The following STON2 variants were observed in gnomAD, a reference collection of about 807,000 sequenced individuals.
STON2 encodes the protein stonin-2.
A neutral mutation model predicts 65.7 loss-of-function variants in STON2; 29 were observed. That is an observed-to-expected ratio of 0.44 (90% CI 0.33 to 0.60). The LOEUF (loss-of-function observed/expected upper bound fraction) is 0.60, where lower values mean the gene tolerates loss of function less well. Among genes scored for constraint, STON2 ranks in the 20% least tolerant of loss-of-function variants. The pLI is 0.03. For missense variants in STON2, 1,054 were observed against 1,118.1 expected (o/e 0.94, Z 0.82); for synonymous variants, 404 against 414.2 (o/e 0.98, Z 0.30).
intron 3 of STON2, among the ~76,000 whole-genome samples, chr14:81,392,239 A>G (rs1900112375): frequency 6.6e-6 from 1 of 152,138 alleles, no homozygotes; most frequent in Admixed American, 6.5e-5. Flanking sequence ...AAAAACTCCA[A>G]CTGGCCTGTG....
intron 4 of STON2, among the ~76,000 whole-genome samples, chr14:81,325,048 G>T (rs1330881248): frequency 6.6e-6 from 1 of 152,164 alleles, no homozygotes; most frequent in East Asian, 1.9e-4. Context: ...TAGTGAATGG[G>T]AGACCCCGGA....
intron 5 of STON2, among the ~76,000 whole-genome samples, chr14:81,320,457 A>G (rs572915990): frequency 1.3e-4 from 2 of 15,154 alleles, no homozygotes; most frequent in Non-Finnish European, 3.4e-4. Flanking sequence ...TCCATTACAT[A>G]GCATAACATG....
intron 1 of STON2, among the ~76,000 whole-genome samples, chr14:81,435,818 C>T (rs1902396750): frequency 6.6e-6 from 1 of 152,218 alleles, no homozygotes; most frequent in Admixed American, 6.5e-5. Flanking sequence ...CACGTCCAGG[C>T]CGCCTCTGGG....
At chr14:81,400,794 A>G (rs567385974), upstream of STON2, among the ~76,000 whole-genome samples, 1 of 152,316 alleles carries the variant, frequency 6.6e-6, no homozygotes, top group Non-Finnish European at 1.5e-5. Context: ...AGTCCTATAC[A>G]GTCTTGGAGT....
intron 3 of STON2, among the ~76,000 whole-genome samples, chr14:81,371,892 T>A (rs555968902): frequency 3.9e-5 from 6 of 152,096 alleles, no homozygotes; most frequent in Non-Finnish European, 1.5e-5. Flanking sequence ...CTCACCAATT[T>A]ACACTGAAAC....
chr14:81,412,963 G>A lies in STON2; in HGVS notation c.-199+14139C>T, dbSNP rs1190699048. 5.4e-5 allele frequency: 54 copies of A among 1,000,680 alleles called. 5 individuals carry two copies. Among genetic ancestry groups the A allele is most frequent in the Non-Finnish European group, 7.2e-5 (48 of 665,562 alleles). The allele number at this position is 1,000,680 out of a possible 1,614,324, so 62.0% of individuals were successfully genotyped here. A position where few individuals can be genotyped will look rare whatever the true frequency, so the allele number is the denominator to read the frequency against. The stretch of plus-strand genomic sequence containing the variant: ...CAGTCAGCCAGCCCCCTTCTCCATG[G>A]GTAACCATGTGCGACCAAAAGGCCG... On this transcript the variant is annotated intron_variant, in intron 2 of 8. Coordinates refer to the STON2 transcript ENST00000553821.
At chr14:81,319,062 G>A (rs1004065286) in intron 5 of STON2, among the ~76,000 whole-genome samples, 7 of 152,090 alleles carry the variant, frequency 4.6e-5, no homozygotes, top group African/African-American at 1.4e-4. Context: ...CCAAGGGAAG[G>A]ATGAGAGACA....
intron 4 of STON2, among the ~76,000 whole-genome samples, chr14:81,350,906 T>C (rs1357984544): frequency 6.6e-6 from 1 of 152,208 alleles, no homozygotes; most frequent in East Asian, 1.9e-4. Flanking sequence ...CTCATAAATC[T>C]TTCTGAAGCC....
intron 2 of STON2, among the ~76,000 whole-genome samples, chr14:81,425,565 TG>T (rs1901926117): frequency 1.3e-5 from 2 of 151,602 alleles, no homozygotes; most frequent in Non-Finnish European, 2.9e-5. Flanking sequence ...GAGTGAACTC[TG>T]CCATCAAAAA....
At chr14:81,322,277 T>C (rs1443680472) in intron 5 of STON2, among the ~76,000 whole-genome samples, 1 of 152,200 alleles carries the variant, frequency 6.6e-6, no homozygotes, top group East Asian at 1.9e-4. Flanking sequence ...GCATCCAATG[T>C]ACAAATGCCT....
chr14:81,318,770 G>T (rs540461301), intron 5 of STON2, among the ~76,000 whole-genome samples: 1 of 152,232 alleles, frequency 6.6e-6, no homozygotes, highest in African/African-American at 2.4e-5. Flanking sequence ...ATACTCACTT[G>T]AACCTGGGAG....
At chr14:81,305,331 G>A (rs758792794) in intron 5 of STON2, among the ~76,000 whole-genome samples, 9 of 152,178 alleles carry the variant, frequency 5.9e-5, no homozygotes, top group Non-Finnish European at 8.8e-5. Flanking sequence ...CACCCACTGT[G>A]TATATGTGTT....
At chr14:81,318,486 A>G (rs1896706406) in intron 5 of STON2, among the ~76,000 whole-genome samples, 1 of 152,160 alleles carries the variant, frequency 6.6e-6, no homozygotes, top group Non-Finnish European at 1.5e-5. Flanking sequence ...GAGTATTTTA[A>G]TGGCTCTATT....
At chr14:81,356,311 T>A (rs1297670462) in intron 4 of STON2, among the ~76,000 whole-genome samples, 2 of 152,222 alleles carry the variant, frequency 1.3e-5, no homozygotes, top group African/African-American at 2.4e-5. Context: ...GGATTACATT[T>A]ATTGATTTGC....
intron 5 of STON2, among the ~76,000 whole-genome samples, chr14:81,320,067 C>CT (rs1438099411): frequency 6.6e-6 from 1 of 152,148 alleles, no homozygotes; most frequent in Non-Finnish European, 1.5e-5. Context: ...ACTCAAGTGT[C>CT]TGAGGTTAGC....
chr14:81,416,737 CA>C (rs1901455215), intron 2 of STON2, among the ~76,000 whole-genome samples: 1 of 152,180 alleles, frequency 6.6e-6, no homozygotes, highest in South Asian at 2.1e-4. Flanking sequence ...GCACTGTGAC[CA>C]AAGCTATGAC....
In STON2 at chr14:81,265,706, T is replaced by C. The variant is rs187267621; in HGVS notation, c.*2708A>G. 3.3e-4 allele frequency: 263 copies of C among 805,014 alleles called. No individual in the cohort carries two copies. The African/African-American group carries it at 4.4e-3, about 13-fold the overall frequency. 49.9% of individuals were successfully genotyped at this position (805,014 alleles called of 1,614,324 possible). On this transcript the variant is annotated 3_prime_UTR_variant, in exon 8 of 8. Transcript: ENST00000614646. ...GTCTCAATAATAATAATAATAATAA[T>C]TTGTTTGCAGAATATAGATAGCATA...
At chr14:81,339,923 G>A (rs1897527321) in intron 4 of STON2, among the ~76,000 whole-genome samples, 1 of 152,204 alleles carries the variant, frequency 6.6e-6, no homozygotes, top group African/African-American at 2.4e-5. Flanking sequence ...GGGAGGCCAA[G>A]GCAGGTAGAT....
intron 1 of STON2, among the ~76,000 whole-genome samples, chr14:81,429,111 G>A (rs1902121010): frequency 6.6e-6 from 1 of 152,218 alleles, no homozygotes; most frequent in Non-Finnish European, 1.5e-5. Context: ...AATTAACAAG[G>A]ACCCTTTGGG....
Sources: allele counts gnomAD v4.1 joint callset (sites outside exome capture counted in the v4.1 genomes callset), GRCh38; gene constraint gnomAD v4.1.1; transcripts MANE v1.5; gene names NCBI Gene and HGNC (gene_info 2026-07-23, HGNC 2026-07-21).